PRKG1: variants seen among roughly 807,000 people sequenced by gnomAD.
The protein encoded by PRKG1 is cGMP-dependent protein kinase 1.
In PRKG1, 35 loss-of-function variants were observed where a neutral mutation model predicts 88.1. The observed-to-expected ratio is 0.40, with a 90% CI of 0.30 to 0.53. The LOEUF (loss-of-function observed/expected upper bound fraction) is 0.53, where lower values mean the gene tolerates loss of function less well. Ranked by LOEUF, PRKG1 falls within the 20% of genes least tolerant of loss-of-function variation. The probability of loss-of-function intolerance (pLI) is 0.59; values close to 1 mark genes in which losing one functional copy is unlikely to be tolerated. For missense variants in PRKG1, 540 were observed against 839.8 expected (o/e 0.64, Z 4.41); for synonymous variants, 303 against 292.5 (o/e 1.04, Z -0.37).
At chr10:52,185,963 G>T (rs1839190367) in intron 9 of PRKG1, among the ~76,000 whole-genome samples, 1 of 152,190 alleles carries the variant, frequency 6.6e-6, no homozygotes, top group Non-Finnish European at 1.5e-5. Context: ...ACGCCTTTGG[G>T]CCTGTGATGG....
chr10:51,758,954 T>C (rs1483222720), intron 3 of PRKG1, among the ~76,000 whole-genome samples: 2 of 151,956 alleles, frequency 1.3e-5, no homozygotes, highest in Non-Finnish European at 2.9e-5. Context: ...GTGTTTGGTT[T>C]TCTGTTCCTA....
At chr10:51,757,077 A>G (rs1406104416) in intron 3 of PRKG1, among the ~76,000 whole-genome samples, 1 of 151,220 alleles carries the variant, frequency 6.6e-6, no homozygotes, top group East Asian at 2.0e-4. Flanking sequence ...ATAATTTTGC[A>G]TTTCCTCACT....
intron 3 of PRKG1, among the ~76,000 whole-genome samples, chr10:51,682,768 A>C (rs1248692167): frequency 6.6e-6 from 1 of 152,228 alleles, no homozygotes. Flanking sequence ...TAGAGCCAGA[A>C]TTTGAACACA....
intron 3 of PRKG1, among the ~76,000 whole-genome samples, chr10:51,506,788 A>G (rs1331725186): frequency 1.3e-5 from 2 of 152,198 alleles, no homozygotes; most frequent in Non-Finnish European, 2.9e-5. Context: ...TGACCCAGCC[A>G]TCCCATTACT....
At chr10:51,941,527 G>A (rs1842906352) in intron 5 of PRKG1, among the ~76,000 whole-genome samples, 1 of 151,732 alleles carries the variant, frequency 6.6e-6, no homozygotes, top group Admixed American at 6.6e-5. Context: ...ATGTATACAT[G>A]TGCCATGCTG....
chr10:51,140,339 C>G (rs1845791080), intron 1 of PRKG1, among the ~76,000 whole-genome samples: 1 of 152,152 alleles, frequency 6.6e-6, no homozygotes. Flanking sequence ...TCACTTACCC[C>G]CTTACCCCTA....
chr10:51,626,321 A>C (rs1839336598), intron 3 of PRKG1, among the ~76,000 whole-genome samples: 1 of 152,208 alleles, frequency 6.6e-6, no homozygotes, highest in African/African-American at 2.4e-5. Flanking sequence ...TGTTTTAGAA[A>C]AACATAGTTG....
intron 10 of PRKG1, among the ~76,000 whole-genome samples, chr10:52,267,035 C>G (rs1029563766): frequency 1.6e-5 from 2 of 121,296 alleles, no homozygotes; most frequent in Admixed American, 9.0e-5. Context: ...AACCAACTTG[C>G]TAAAAAATCA....
intron 3 of PRKG1, among the ~76,000 whole-genome samples, chr10:51,766,770 T>C (rs1423915917): frequency 2.6e-5 from 4 of 151,926 alleles, no homozygotes; most frequent in African/African-American, 9.7e-5. Context: ...ACATTGAGGG[T>C]TGGGGCTTTA....
intron 3 of PRKG1, among the ~76,000 whole-genome samples, chr10:51,679,590 G>A (rs772697952): frequency 3.4e-4 from 52 of 151,942 alleles, no homozygotes; most frequent in Non-Finnish European, 6.6e-4. Context: ...TGGAGACACT[G>A]GGGAACTAGG....
intron 2 of PRKG1, among the ~76,000 whole-genome samples, chr10:51,430,852 T>C: frequency 6.6e-6 from 1 of 152,270 alleles, no homozygotes; most frequent in East Asian, 1.9e-4. Context: ...GATTACATAT[T>C]ATATAATTTT....
rs117185505 is a variant in PRKG1, at chr10:51,129,142, C to T, written c.312-24022C>T. Among the ~76,000 whole-genome samples, 1,413 of 152,238 alleles carry T rather than the reference C, an allele frequency of 9.3e-3. 13 individuals carry two copies. The highest frequency in any genetic ancestry group is 0.041 in the Middle Eastern group (12 of 294). ...ATATGCGTCATCTCAGTATCTTTAT[C>T]ACCACCTCCAAGTTTTTCACAACAG... On this transcript the variant is annotated intron_variant, in intron 1 of 17. Coordinates refer to ENST00000373980, the MANE Select transcript of PRKG1 (RefSeq NM_006258.4).
chr10:52,235,576 T>C (rs1379883053), intron 9 of PRKG1, among the ~76,000 whole-genome samples: 15 of 140,508 alleles, frequency 1.1e-4, no homozygotes, highest in South Asian at 2.5e-4. Context: ...AGAAGGCCAT[T>C]ACATAATGGT....
intron 3 of PRKG1, among the ~76,000 whole-genome samples, chr10:51,667,065 G>C (rs550248131): frequency 1.3e-5 from 2 of 152,114 alleles, no homozygotes; most frequent in South Asian, 4.1e-4. Context: ...CCGTCCCAAA[G>C]TGCTGCCATA....
At chr10:52,094,489 C>T (rs568003853) in intron 7 of PRKG1, among the ~76,000 whole-genome samples, 223 of 152,146 alleles carry the variant, frequency 1.5e-3, no homozygotes, top group Non-Finnish European at 2.7e-3. Context: ...TATATCACCA[C>T]CGTTCATATA....
chr10:52,163,960 A>G (rs10824179), intron 9 of PRKG1, among the ~76,000 whole-genome samples: 10,762 of 152,232 alleles, frequency 0.071, 405 homozygotes, highest in South Asian at 0.11. Context: ...TTGGTCATGA[A>G]TATTAACGCC....
chr10:51,350,950 G>A lies in PRKG1; in HGVS notation c.479-116773G>A, dbSNP rs1297879850. ...CCCCTGACAGGCCCTGGTGTGTGAT[G>A]TTCCCCTCCCTGTGTCCATGTGTTC... is the stretch of plus-strand genomic sequence containing the variant. On this transcript the variant is annotated intron_variant, in intron 2 of 17. Coordinates refer to ENST00000373980, the MANE Select transcript of PRKG1 (RefSeq NM_006258.4). Among the ~76,000 whole-genome samples, 5 of 152,152 alleles carry A rather than the reference G, an allele frequency of 3.3e-5. No individual in the cohort carries two copies. The South Asian group carries it at 6.2e-4, about 19-fold the overall frequency.
intron 1 of PRKG1, among the ~76,000 whole-genome samples, chr10:51,132,048 G>C (rs1251129629): frequency 6.6e-6 from 1 of 151,952 alleles, no homozygotes; most frequent in Non-Finnish European, 1.5e-5. Flanking sequence ...GTCTTAGCTC[G>C]GGAAATAAAC....
chr10:52,086,821 G>A (rs1846927529), intron 7 of PRKG1, among the ~76,000 whole-genome samples: 1 of 152,160 alleles, frequency 6.6e-6, no homozygotes, highest in South Asian at 2.1e-4. Flanking sequence ...AAGGAAAGAT[G>A]TTTAATTGAC....
Sources: gnomAD v4.1 joint callset for allele counts (sites outside exome capture counted in the v4.1 genomes callset) on GRCh38, gnomAD v4.1.1 for gene constraint, MANE v1.5 for transcripts, NCBI Gene and HGNC (gene_info 2026-07-23, HGNC 2026-07-21) for gene names.